Variants in PCDH15 observed in about 807,000 individuals in gnomAD.
PCDH15 encodes the protein protocadherin-15.
In PCDH15, 129 loss-of-function variants were observed where a neutral mutation model predicts 178.5. That is an observed-to-expected ratio of 0.72 (90% confidence interval 0.63 to 0.84). The LOEUF (loss-of-function observed/expected upper bound fraction) is 0.84. Among genes scored for constraint, PCDH15 ranks in the 40% least tolerant of loss-of-function variants. The pLI, the probability that PCDH15 is intolerant of heterozygous loss-of-function variation, is 0.00. For synonymous variants in PCDH15, 800 were observed against 732.0 expected, an observed-to-expected ratio of 1.09 and a Z score of -1.50; for missense variants, 2,230 against 2,099.9, an observed-to-expected ratio of 1.06 and a Z score of -1.21.
chr10:54,396,310 T>A (rs1404732717), intron 3 of PCDH15, among the ~76,000 whole-genome samples: 1 of 152,186 alleles, frequency 6.6e-6, no homozygotes, highest in Non-Finnish European at 1.5e-5. Flanking sequence ...TGTTCTTTGT[T>A]GAACAATGCG....
At chr10:54,033,593 A>T (rs2093351514) in intron 18 of PCDH15, among the ~76,000 whole-genome samples, 1 of 151,920 alleles carries the variant, frequency 6.6e-6, no homozygotes, top group Non-Finnish European at 1.5e-5. Flanking sequence ...GGTATCTCTG[A>T]GCTTGTACTC....
chr10:55,219,506 TCTCA>T (rs1187586487), intron 1 of PCDH15, among the ~76,000 whole-genome samples: 1 of 151,708 alleles, frequency 6.6e-6, no homozygotes, highest in East Asian at 1.9e-4. Flanking sequence ...ATATTGGTAC[TCTCA>T]CTTTTTTTTC....
At chr10:54,344,669 A>G (rs1263912762) in intron 6 of PCDH15, among the ~76,000 whole-genome samples, 1 of 152,108 alleles carries the variant, frequency 6.6e-6, no homozygotes, top group East Asian at 1.9e-4. Flanking sequence ...CTTTAAAAAA[A>G]TACCTAAAGA....
intron 21 of PCDH15, among the ~76,000 whole-genome samples, chr10:53,972,264 T>C (rs2089769562): frequency 2.0e-5 from 2 of 99,266 alleles, no homozygotes; most frequent in Admixed American, 2.6e-4. Context: ...GATCCCTTCC[T>C]TACACCTTAT....
At chr10:54,244,441 C>T (rs2055716532) in intron 8 of PCDH15, among the ~76,000 whole-genome samples, 1 of 152,094 alleles carries the variant, frequency 6.6e-6, no homozygotes, top group Non-Finnish European at 1.5e-5. Context: ...AATTATTTTC[C>T]ATGAATAAAT....
chr10:54,357,865 C>T (rs61855473), intron 5 of PCDH15, among the ~76,000 whole-genome samples: 13,139 of 152,022 alleles, frequency 0.086, 563 homozygotes, highest in Admixed American at 0.14. Context: ...CACCACATAT[C>T]TACAACTATC....
intron 3 of PCDH15, among the ~76,000 whole-genome samples, chr10:54,431,159 A>G (rs1002658373): frequency 1.3e-5 from 2 of 152,190 alleles, no homozygotes; most frequent in African/African-American, 4.8e-5. Context: ...CAATAGCTTC[A>G]CTGCTGAATT....
intron 8 of PCDH15, among the ~76,000 whole-genome samples, chr10:54,238,682 C>T (rs1391643145): frequency 7.9e-6 from 1 of 126,126 alleles, no homozygotes; most frequent in Non-Finnish European, 1.7e-5. Context: ...CTCTCTCACA[C>T]ACACACACAC....
Position 53,910,349 on chromosome 10 carries a change from G to A in PCDH15, c.3374-6979C>T, listed in dbSNP as rs144920065. Among the ~76,000 whole-genome samples the A allele has an allele frequency of 6.4e-3, 977 of 152,230 alleles. 12 individuals carry two copies. The highest frequency in any genetic ancestry group is 0.022 in the African/African-American group (905 of 41,532). Reference sequence around the variant, plus strand: ...CAATATTTGCTGTGCTGAAGCCTCCGCTGGTAACACCCAGGCAAACAGTTT... The same window carrying A: ...CAATATTTGCTGTGCTGAAGCCTCCACTGGTAACACCCAGGCAAACAGTTT... On this transcript the variant is annotated intron_variant, in intron 25 of 37. Coordinates refer to ENST00000644397, the MANE Select transcript of PCDH15 (RefSeq NM_001384140.1).
chr10:54,265,822 A>G (rs2057638185), intron 8 of PCDH15, among the ~76,000 whole-genome samples: 1 of 152,048 alleles, frequency 6.6e-6, no homozygotes. Context: ...CCCCTCAGTA[A>G]TAACTGGGGA....
At chr10:54,229,848 G>T (rs541693612) in intron 9 of PCDH15, among the ~76,000 whole-genome samples, 4 of 152,084 alleles carry the variant, frequency 2.6e-5, no homozygotes, top group Non-Finnish European at 5.9e-5. Context: ...CTTGCCTAAA[G>T]TTATTTATGT....
At chr10:53,986,240 T>A (rs1325847156) in intron 21 of PCDH15, among the ~76,000 whole-genome samples, 1 of 152,176 alleles carries the variant, frequency 6.6e-6, no homozygotes, top group Non-Finnish European at 1.5e-5. Context: ...ACATCATTAG[T>A]CATAATGGAA....
chr10:54,834,537 T>C (rs1247024374), intron 3 of PCDH15, among the ~76,000 whole-genome samples: 1 of 151,410 alleles, frequency 6.6e-6, no homozygotes, highest in Non-Finnish European at 1.5e-5. Flanking sequence ...TCTTACAATA[T>C]GTATGATAGC....
At chr10:54,225,860 C>T (rs1343059293) in intron 9 of PCDH15, among the ~76,000 whole-genome samples, 10 of 152,092 alleles carry the variant, frequency 6.6e-5, no homozygotes. Flanking sequence ...GCTTTATATA[C>T]TGACTGACAC....
intron 8 of PCDH15, among the ~76,000 whole-genome samples, chr10:54,300,540 C>T (rs146749887): frequency 1.1e-3 from 169 of 152,256 alleles, no homozygotes; most frequent in African/African-American, 3.9e-3. Flanking sequence ...CTTCTTCGCC[C>T]CTATCCGGCA....
At chr10:54,528,321 G>C in intron 2 of PCDH15, 1 of 1,415,244 alleles carries the variant, frequency 7.1e-7, no homozygotes, top group Admixed American at 2.0e-5. Flanking sequence ...GTTCTAAAGA[G>C]AATAAAACAA....
At chr10:55,088,297 C>A (rs1186932751) in intron 2 of PCDH15, among the ~76,000 whole-genome samples, 1 of 151,142 alleles carries the variant, frequency 6.6e-6, no homozygotes, top group East Asian at 2.0e-4. Context: ...GAGACAGAGT[C>A]TTACTCTGTT....
chr10:53,916,938 G>GA (rs5785027), intron 25 of PCDH15, among the ~76,000 whole-genome samples: 2 of 151,028 alleles, frequency 1.3e-5, no homozygotes, highest in Non-Finnish European at 3.0e-5. Context: ...ATACCAGAAG[G>GA]AAAAAAAAAT....
chr10:54,615,688 A>G (rs920616301), intron 2 of PCDH15, among the ~76,000 whole-genome samples: 2 of 100,616 alleles, frequency 2.0e-5, no homozygotes, highest in Non-Finnish European at 4.1e-5. Context: ...AGGAATGACA[A>G]AATAAGACAC....
Sources: gnomAD v4.1 joint callset for allele counts (sites outside exome capture counted in the v4.1 genomes callset) on GRCh38, gnomAD v4.1.1 for gene constraint, MANE v1.5 for transcripts, NCBI Gene and HGNC (gene_info 2026-07-23, HGNC 2026-07-21) for gene names.